Variants in DYM observed in about 807,000 individuals in gnomAD.
DYM encodes the protein dyggve-Melchior-Clausen syndrome protein.
Under a neutral mutation model 93.1 loss-of-function variants are expected in DYM, and 78 were observed. That is an observed-to-expected ratio of 0.84 (90% CI 0.70 to 1.01). DYM has a LOEUF of 1.01. DYM is among the 50% of genes least tolerant of loss of function. The pLI, the probability that DYM is intolerant of heterozygous loss-of-function variation, is 0.00. For missense variants in DYM, 789 were observed against 845.0 expected (o/e 0.93, Z 0.82); for synonymous variants, 321 against 319.7 (o/e 1.00, Z -0.04).
At chr18:49,226,530 A>C (rs1451662307) in intron 13 of DYM, among the ~76,000 whole-genome samples, 1 of 152,122 alleles carries the variant, frequency 6.6e-6, no homozygotes. Flanking sequence ...TGTCTACTCT[A>C]CTTGTGGTCT....
chr18:49,274,542 T>C (rs1375574889), intron 10 of DYM, among the ~76,000 whole-genome samples: 2 of 152,136 alleles, frequency 1.3e-5, no homozygotes, highest in Non-Finnish European at 2.9e-5. Context: ...GGTAACTGTT[T>C]CATTGTTTCA....
intron 8 of DYM, among the ~76,000 whole-genome samples, chr18:49,319,321 A>C (rs1174364922): frequency 6.6e-6 from 1 of 152,228 alleles, no homozygotes; most frequent in Non-Finnish European, 1.5e-5. Context: ...ATAGCTAGCA[A>C]GGCTTCCAAT....
rs774894030 is a variant in DYM at position 49,381,286 on chromosome 18, CCATA to C, written c.194-1532_194-1529del. 9.2e-5 allele frequency among the ~76,000 whole-genome samples: 14 copies of C among 151,918 alleles called. No individual in the cohort carries two copies. In the East Asian group the frequency reaches 2.7e-3, roughly 29 times the overall value. ...CAGAATATTTTTTTAAAATTCAGGC[CCATA>C]CATATATATTTTAAAATATTATACA... On this transcript the variant is annotated intron_variant, in intron 3 of 17. Coordinates refer to ENST00000675505, the MANE Select transcript of DYM (RefSeq NM_001353214.3).
chr18:49,304,183 G>A (rs1165393385), intron 8 of DYM, among the ~76,000 whole-genome samples: 1 of 152,232 alleles, frequency 6.6e-6, no homozygotes, highest in Non-Finnish European at 1.5e-5. Context: ...TGCATGGACT[G>A]TTAAGACCAT....
intron 8 of DYM, among the ~76,000 whole-genome samples, chr18:49,291,085 T>A (rs897236437): frequency 1.3e-5 from 2 of 152,280 alleles, no homozygotes; most frequent in African/African-American, 4.8e-5. Context: ...ACCATGGCAA[T>A]AGATGTGATA....
intron 14 of DYM, among the ~76,000 whole-genome samples, chr18:49,164,701 C>G (rs912056677): frequency 1.3e-5 from 2 of 152,216 alleles, no homozygotes; most frequent in African/African-American, 4.8e-5. Flanking sequence ...CAGTAAACAA[C>G]TACCCAGGAG....
intron 2 of DYM, among the ~76,000 whole-genome samples, chr18:49,394,920 C>T (rs1405683253): frequency 6.6e-6 from 1 of 152,154 alleles, no homozygotes; most frequent in Non-Finnish European, 1.5e-5. Context: ...ACAAATGGTA[C>T]TGTGTAAACT....
intron 1 of DYM, among the ~76,000 whole-genome samples, chr18:49,446,778 G>A (rs1661400939): frequency 6.6e-6 from 1 of 152,200 alleles, no homozygotes; most frequent in African/African-American, 2.4e-5. Context: ...GTTAAGACCA[G>A]CTGGGTGCAG....
At chr18:49,131,456 C>T (rs1156357617) in intron 15 of DYM, among the ~76,000 whole-genome samples, 3 of 152,056 alleles carry the variant, frequency 2.0e-5, no homozygotes, top group Non-Finnish European at 4.4e-5. Context: ...AACTCCTGAG[C>T]TCAGGCAATC....
At chr18:49,351,883 G>A (rs1227496493) in intron 6 of DYM, among the ~76,000 whole-genome samples, 1 of 152,094 alleles carries the variant, frequency 6.6e-6, no homozygotes, top group East Asian at 1.9e-4. Flanking sequence ...AACTATGGAG[G>A]CCACCCAAGA....
intron 14 of DYM, among the ~76,000 whole-genome samples, chr18:49,196,668 C>A (rs34215012): frequency 6.6e-6 from 1 of 152,074 alleles, no homozygotes; most frequent in East Asian, 1.9e-4. Flanking sequence ...GCAAAAAGTC[C>A]TGAGATAGAA....
intron 13 of DYM, among the ~76,000 whole-genome samples, chr18:49,253,828 C>A (rs1262730325): frequency 6.6e-6 from 1 of 152,162 alleles, no homozygotes; most frequent in African/African-American, 2.4e-5. Flanking sequence ...TTCAATCACA[C>A]TTTCTTTTTT....
chr18:49,065,666 T>C (rs76370149), intron 17 of DYM, among the ~76,000 whole-genome samples: 81 of 148,662 alleles, frequency 5.4e-4, no homozygotes, highest in African/African-American at 1.9e-3. Context: ...CCGGCCTCAA[T>C]TTTTTTTTTT....
intron 2 of DYM, among the ~76,000 whole-genome samples, chr18:49,404,592 G>C (rs1034306238): frequency 6.6e-6 from 1 of 152,074 alleles, no homozygotes; most frequent in African/African-American, 2.4e-5. Context: ...GTTATTTTTT[G>C]ACCTTTTAAT....
intron 12 of DYM, 31 bp downstream of exon 12, chr18:49,258,349 A>C: frequency 2.7e-6 from 4 of 1,470,968 alleles, no homozygotes; most frequent in African/African-American, 2.8e-5. Context: ...ACTGTATGCA[A>C]AAAAGATAGA....
intron 8 of DYM, among the ~76,000 whole-genome samples, chr18:49,302,127 G>C (rs997515763): frequency 1.3e-5 from 2 of 152,122 alleles, no homozygotes; most frequent in Admixed American, 1.3e-4. Context: ...TACAAAAAAA[G>C]CTCTGTTAGC....
chr18:49,190,021 A>C (rs1249435553), intron 14 of DYM, among the ~76,000 whole-genome samples: 7 of 152,244 alleles, frequency 4.6e-5, no homozygotes, highest in Non-Finnish European at 1.0e-4. Context: ...CACTGTTTCA[A>C]TAGCTGCCTG....
intron 15 of DYM, among the ~76,000 whole-genome samples, chr18:49,158,715 C>T (rs190925133): frequency 3.5e-4 from 54 of 152,124 alleles, no homozygotes; most frequent in African/African-American, 1.3e-3. Context: ...TTGTGCCTGG[C>T]TTGTTTCACT....
At chr18:49,404,664 T>C (rs142328079) in intron 2 of DYM, among the ~76,000 whole-genome samples, 39 of 152,326 alleles carry the variant, frequency 2.6e-4, no homozygotes, top group African/African-American at 8.9e-4. Context: ...GTTTCTCTAA[T>C]GATTAATGAT....
Sources: gnomAD v4.1 joint callset for allele counts (sites outside exome capture counted in the v4.1 genomes callset) on GRCh38, gnomAD v4.1.1 for gene constraint, MANE v1.5 for transcripts, NCBI Gene and HGNC (gene_info 2026-07-23, HGNC 2026-07-21) for gene names.